BSN: variants seen among roughly 807,000 people sequenced by gnomAD.
BSN encodes bassoon presynaptic cytomatrix protein, also known as protein bassoon.
A neutral mutation model predicts 264.8 loss-of-function variants in BSN; 57 were observed. The observed-to-expected ratio is 0.22, with a 90% CI of 0.17 to 0.27. The LOEUF (loss-of-function observed/expected upper bound fraction) is 0.27. Ranked by LOEUF, BSN falls within the 10% of genes least tolerant of loss-of-function variation. The probability of loss-of-function intolerance (pLI) is 1.00; values close to 1 mark genes in which losing one functional copy is unlikely to be tolerated. For synonymous variants in BSN, 2,059 were observed against 2,137.3 expected, an observed-to-expected ratio of 0.96 and a Z score of 1.01; for missense variants, 4,615 against 5,232.5, an observed-to-expected ratio of 0.88 and a Z score of 3.64.
At position 49,596,703 on chromosome 3, in the gene BSN, T is replaced by A. The variant is rs139020155; in HGVS notation, c.225-28272T>A. Reference sequence around the variant, plus strand: ...TCTCACTATTTTGCCCAGGATGGAGTGTAGTCTTAGTCACAGACGTGATCA... The same window carrying A: ...TCTCACTATTTTGCCCAGGATGGAGAGTAGTCTTAGTCACAGACGTGATCA... On this transcript the variant is annotated intron_variant, in intron 1 of 11. Coordinates refer to ENST00000296452, the MANE Select transcript of BSN (RefSeq NM_003458.4). Among the ~76,000 whole-genome samples the A allele has an allele frequency of 2.7e-3, 416 of 152,126 alleles. 3 individuals are homozygous for A. Among genetic ancestry groups the A allele is most frequent in the African/African-American group, 9.3e-3 (386 of 41,512 alleles).
Position 49,609,512 on chromosome 3 carries a change from G to C in BSN, c.225-15463G>C, listed in dbSNP as rs112874363. 4.6e-3 allele frequency among the ~76,000 whole-genome samples: 697 copies of C among 152,294 alleles called. 4 individuals carry two copies. Among genetic ancestry groups the C allele is most frequent in the African/African-American group, 0.011 (465 of 41,560 alleles). ...AGGTATCCCTGCCAACGGCACTGCA[G>C]GAAGAGGAAAAACTGCCTGGATAGG... On this transcript the variant is annotated intron_variant, in intron 1 of 11. Coordinates refer to ENST00000296452, the MANE Select transcript of BSN (RefSeq NM_003458.4).
At chr3:49,617,283 T>TTATATATATATATATA (rs6147817) in intron 1 of BSN, among the ~76,000 whole-genome samples, 139 of 121,994 alleles carry the variant, frequency 1.1e-3, no homozygotes, top group Middle Eastern at 4.9e-3. Context: ...ATAAAATACA[T>TTATATATATATATATA]TATATATATA....
chr3:49,608,343 T>C (rs1481666773), intron 1 of BSN, among the ~76,000 whole-genome samples: 1 of 152,150 alleles, frequency 6.6e-6, no homozygotes, highest in Non-Finnish European at 1.5e-5. Flanking sequence ...CTGACAGGCA[T>C]GTGGAACCAT....
chr3:49,560,140 A>G (rs979435848), intron 1 of BSN, among the ~76,000 whole-genome samples: 2 of 152,056 alleles, frequency 1.3e-5, no homozygotes, highest in Admixed American at 1.3e-4. Context: ...GTGAGTAGGA[A>G]GCCTCCTACT....
At position 49,654,509 on chromosome 3, in the gene BSN, G is replaced by C; in HGVS notation, c.4953G>C (p.Thr1651=). ...SLCRISSVPG[T]SRVEPGPRTP... Reference sequence around the variant, plus strand: ...GCCGGATCTCCTCTGTCCCTGGGACGTCTAGGGTTGAGCCAGGCCCCAGGA... The same window carrying C: ...GCCGGATCTCCTCTGTCCCTGGGACCTCTAGGGTTGAGCCAGGCCCCAGGA... Residue 1651 remains threonine, a synonymous_variant, in exon 5 of 12, where the codon ACG becomes ACC. Coordinates refer to ENST00000296452, the MANE Select transcript of BSN (RefSeq NM_003458.4). The surrounding 1 kb of genome is among the most constrained non-coding windows in gnomAD (Gnocchi z 4.1). The C allele has an allele frequency of 6.2e-7, 1 of 1,611,258 alleles. No individual in the cohort carries two copies. Among genetic ancestry groups the C allele is most frequent in the Non-Finnish European group, 8.5e-7 (1 of 1,178,722 alleles).
intron 2 of BSN, among the ~76,000 whole-genome samples, chr3:49,626,905 A>G (rs1457223084): frequency 6.6e-6 from 1 of 152,206 alleles, no homozygotes; most frequent in Non-Finnish European, 1.5e-5. Context: ...GCCCCTGCCT[A>G]TAGGCTCTCC....
Position 49,661,547 on chromosome 3 carries a change from T to A in BSN, c.9702T>A (p.Ile3234=), listed in dbSNP as rs2052655096. Reference sequence around the variant, plus strand: ...ACGTTCCTCGAAACTACGTAATGATTGATGACATCAGTGAACTGACCAAGG... The same window carrying A: ...ACGTTCCTCGAAACTACGTAATGATAGATGACATCAGTGAACTGACCAAGG... ...EQNVPRNYVM[I]DDISELTKDS... The change falls in exon 6 of 12, where the codon ATT becomes ATA. Residue 3234 remains isoleucine (I), a synonymous_variant. Coordinates refer to ENST00000296452, the MANE Select transcript of BSN (RefSeq NM_003458.4). The A allele has an allele frequency of 1.2e-6, 2 of 1,614,068 alleles. No homozygotes were observed. Among genetic ancestry groups the A allele is most frequent in the Non-Finnish European group, 8.5e-7 (1 of 1,180,034 alleles).
chr3:49,611,408 A>G (rs2052205688), intron 1 of BSN, among the ~76,000 whole-genome samples: 2 of 152,306 alleles, frequency 1.3e-5, no homozygotes, highest in South Asian at 4.1e-4. Flanking sequence ...AAGTTGTATC[A>G]TGCGGGGTCC....
intron 1 of BSN, among the ~76,000 whole-genome samples, chr3:49,578,782 C>T (rs1190477721): frequency 6.6e-6 from 1 of 152,084 alleles, no homozygotes; most frequent in Non-Finnish European, 1.5e-5. Context: ...TCCATTCTTC[C>T]CCCCTCTATC....
chr3:49,557,994 C>G (rs2051687402), intron 1 of BSN, among the ~76,000 whole-genome samples: 1 of 152,214 alleles, frequency 6.6e-6, no homozygotes, highest in Non-Finnish European at 1.5e-5. Context: ...TAGTGCTTCC[C>G]TGTCCTTCAG....
At chr3:49,597,921 G>A (rs11720597) in intron 1 of BSN, among the ~76,000 whole-genome samples, 42,641 of 151,888 alleles carry the variant, frequency 0.28, 6,592 homozygotes, top group Non-Finnish European at 0.31. Flanking sequence ...GGGATTACAG[G>A]CGTGAGCCAC....
intron 2 of BSN, among the ~76,000 whole-genome samples, chr3:49,635,609 G>A (rs974112819): frequency 6.6e-6 from 1 of 152,102 alleles, no homozygotes; most frequent in African/African-American, 2.4e-5. Context: ...GCTTTATCAC[G>A]TATCCATTCT....
chr3:49,618,639 G>A (rs563234990), intron 1 of BSN, among the ~76,000 whole-genome samples: 171 of 152,340 alleles, frequency 1.1e-3, no homozygotes, highest in Non-Finnish European at 1.7e-3. Context: ...CTTATCCTGC[G>A]TAGCTACTCA....
rs751544887 is a variant in BSN at position 49,658,019 on chromosome 3, C to T, written c.8463C>T (p.His2821=). The T allele has an allele frequency of 1.6e-5, 26 of 1,613,404 alleles. No individual in the cohort carries two copies. Among genetic ancestry groups the T allele is most frequent in the South Asian group, 5.5e-5 (5 of 91,040 alleles). Residue 2821 remains histidine, a synonymous_variant, in exon 5 of 12, where the codon CAC becomes CAT. Transcript: ENST00000296452. ...CCAGTGAGAGGCTGAACAAAGCTCA[C>T]GTGAGTCCCCAGAAGCACTTCACGG... ...FASSERLNKA[H]VSPQKHFTAD...
At chr3:49,613,303 C>CGCGAGAGA (rs2052223457) in intron 1 of BSN, among the ~76,000 whole-genome samples, 1 of 47,332 alleles carries the variant, frequency 2.1e-5, no homozygotes, top group Middle Eastern at 0.014. Context: ...ACACACAGAG[C>CGCGAGAGA]GAGAGAGAGA....
chr3:49,575,926 T>G (rs558318101), intron 1 of BSN, among the ~76,000 whole-genome samples: 28 of 152,200 alleles, frequency 1.8e-4, no homozygotes, highest in African/African-American at 6.5e-4. Flanking sequence ...ATTGTGAATA[T>G]ACACACGCAT....
rs200910569 is a variant in BSN, at chr3:49,661,953, T to C, written c.10108T>C (p.Ser3370Pro). 6.2e-7 allele frequency: 1 copy of C among 1,613,830 alleles called. No individual in the cohort carries two copies. Among genetic ancestry groups the C allele is most frequent in the African/African-American group, 1.3e-5 (1 of 74,970 alleles). The change falls in exon 6 of 12, where the codon TCC becomes CCC. Residue 3370 changes from serine (S) to proline (P), a missense_variant. Around this residue, in one of 3 missense-constraint regions of BSN, gnomAD observed 3,415 missense variants for 3,866.4 expected, o/e 0.88. Coordinates refer to ENST00000296452, the MANE Select transcript of BSN (RefSeq NM_003458.4). ...HRKQGMEQKI[S>P]KFSPIEEAKD... is the part of the protein sequence containing the mutation. ...GAAGCAGGGCATGGAGCAAAAGATA[T>C]CCAAGTTCTCGCCTATTGAAGAGGC...
intron 1 of BSN, among the ~76,000 whole-genome samples, chr3:49,608,773 A>T (rs62262670): frequency 0.052 from 7,921 of 151,694 alleles, 287 homozygotes; most frequent in South Asian, 0.12. Flanking sequence ...GGTTGCAGTG[A>T]GCCGAGATCG....
chr3:49,563,010 T>C (rs191519663), intron 1 of BSN, among the ~76,000 whole-genome samples: 81 of 152,318 alleles, frequency 5.3e-4, no homozygotes, highest in African/African-American at 1.8e-3. Flanking sequence ...CTGTGAAATG[T>C]GTAAAAAGGA....
Sources: allele counts gnomAD v4.1 joint callset (sites outside exome capture counted in the v4.1 genomes callset), GRCh38; gene constraint gnomAD v4.1.1; regional missense constraint gnomAD v4.1.1; non-coding constraint Gnocchi (gnomAD v3.1); transcripts MANE v1.5; gene names NCBI Gene and HGNC (gene_info 2026-07-23, HGNC 2026-07-21).